The following CADM2 variants were observed in gnomAD, a reference collection of about 807,000 sequenced individuals.
The protein encoded by CADM2 is immunoglobulin superfamily member 4D.
Under a neutral mutation model 49.8 loss-of-function variants are expected in CADM2, and 12 were observed. The ratio of observed to expected loss-of-function variants is 0.24; its 90% CI spans 0.15 to 0.39. The LOEUF (loss-of-function observed/expected upper bound fraction) is 0.39, where lower values mean the gene tolerates loss of function less well. Ranked by LOEUF, CADM2 falls within the 10% of genes least tolerant of loss-of-function variation. The pLI is 1.00. For missense variants in CADM2, 378 were observed against 492.3 expected (o/e 0.77, Z 2.20); for synonymous variants, 214 against 175.4 (o/e 1.22, Z -1.74).
intron 1 of CADM2, among the ~76,000 whole-genome samples, chr3:85,468,593 G>C (rs951756060): frequency 5.4e-5 from 5 of 93,380 alleles, no homozygotes; most frequent in African/African-American, 3.0e-5. Flanking sequence ...ATCTTTTTTT[G>C]ACCAGAATAT....
At chr3:85,527,286 C>G (rs1344724602) in intron 1 of CADM2, among the ~76,000 whole-genome samples, 5 of 151,218 alleles carry the variant, frequency 3.3e-5, no homozygotes, top group Non-Finnish European at 7.4e-5. Context: ...CTCAGGATGC[C>G]AAGGTGAGAG....
intron 2 of CADM2, among the ~76,000 whole-genome samples, chr3:85,795,923 A>G (rs2071593629): frequency 6.6e-6 from 1 of 152,208 alleles, no homozygotes; most frequent in Admixed American, 6.5e-5. Context: ...TGGTTCATTG[A>G]CTTTGTTTCA....
chr3:85,465,738 G>T (rs2038463844), intron 1 of CADM2, among the ~76,000 whole-genome samples: 1 of 152,032 alleles, frequency 6.6e-6, no homozygotes, highest in Non-Finnish European at 1.5e-5. Context: ...GCTTCTTATT[G>T]CCAATCATGA....
At chr3:85,035,023 G>A (rs1375514824) in intron 1 of CADM2, among the ~76,000 whole-genome samples, 7 of 151,796 alleles carry the variant, frequency 4.6e-5, no homozygotes, top group African/African-American at 1.7e-4. Flanking sequence ...GGCTGGTCTC[G>A]AAGTCCTGAT....
At position 86,073,131 on chromosome 3, in the gene CADM2, T is replaced by C. The variant is rs917897200; in HGVS notation, c.*6348T>C. 1.3e-5 allele frequency: 2 copies of C among 152,078 alleles called. No individual in the cohort carries two copies. The highest frequency in any genetic ancestry group is 2.4e-5 in the African/African-American group (1 of 41,444). 9.4% of individuals were successfully genotyped at this position (152,078 alleles called of 1,614,324 possible). A position where few individuals can be genotyped will look rare whatever the true frequency, so the allele number is the denominator to read the frequency against. Reference sequence around the variant, plus strand: ...CCTCAAGAAAGCTCCATTTTTATCATAAACATTTCAACATAACCAACATTA... The same window carrying C: ...CCTCAAGAAAGCTCCATTTTTATCACAAACATTTCAACATAACCAACATTA... On this transcript the variant is annotated 3_prime_UTR_variant, in exon 10 of 10. Transcript: ENST00000383699.
intron 1 of CADM2, among the ~76,000 whole-genome samples, chr3:85,525,849 C>T (rs565490087): frequency 1.3e-5 from 2 of 152,076 alleles, no homozygotes; most frequent in South Asian, 4.2e-4. Flanking sequence ...TAGTTTACAT[C>T]TTTGATTTGT....
At chr3:85,154,671 G>A (rs1559692955) in intron 1 of CADM2, among the ~76,000 whole-genome samples, 1 of 150,386 alleles carries the variant, frequency 6.6e-6, no homozygotes, top group Non-Finnish European at 1.5e-5. Context: ...AGGAAAAAAT[G>A]TTAAGGGCAG....
chr3:85,693,027 AAACCATCCTAGCCAACATGGT>A (rs1042192058), intron 1 of CADM2, among the ~76,000 whole-genome samples: 13 of 151,866 alleles, frequency 8.6e-5, no homozygotes, highest in African/African-American at 1.9e-4. Context: ...CAAGAGATGG[AAACCATCCTAGCCAACATGGT>A]AACCATCCTA....
intron 3 of CADM2, among the ~76,000 whole-genome samples, chr3:85,825,073 T>C (rs72908560): frequency 0.043 from 6,580 of 152,080 alleles, 445 homozygotes; most frequent in African/African-American, 0.15. Flanking sequence ...AAAAGTAATT[T>C]ATATTGAAAA....
At chr3:85,501,646 CTT>C (rs2040120105) in intron 1 of CADM2, among the ~76,000 whole-genome samples, 1 of 152,004 alleles carries the variant, frequency 6.6e-6, no homozygotes. Flanking sequence ...ATAATTTATA[CTT>C]CAATATGTAT....
intron 1 of CADM2, among the ~76,000 whole-genome samples, chr3:85,518,364 A>C (rs1200599783): frequency 6.6e-6 from 1 of 151,940 alleles, no homozygotes; most frequent in Non-Finnish European, 1.5e-5. Flanking sequence ...CTCAGACTTC[A>C]ACAAAAGCAT....
chr3:85,374,667 G>A (rs1224029094), intron 1 of CADM2, among the ~76,000 whole-genome samples: 2 of 152,244 alleles, frequency 1.3e-5, no homozygotes, highest in East Asian at 3.9e-4. Flanking sequence ...GACTGGGGAG[G>A]CCTCACACTC....
At chr3:85,080,375 G>A (rs2037117849) in intron 1 of CADM2, among the ~76,000 whole-genome samples, 1 of 151,926 alleles carries the variant, frequency 6.6e-6, no homozygotes, top group South Asian at 2.1e-4. Flanking sequence ...CGATATGTCA[G>A]GAAGATTTAA....
At chr3:85,422,451 G>C (rs2036216837) in intron 1 of CADM2, among the ~76,000 whole-genome samples, 1 of 151,930 alleles carries the variant, frequency 6.6e-6, no homozygotes, top group Admixed American at 6.6e-5. Flanking sequence ...CTAATTTTTT[G>C]TATTTTTAGT....
chr3:85,942,006 T>G (rs1412783960), intron 7 of CADM2, among the ~76,000 whole-genome samples: 1 of 152,152 alleles, frequency 6.6e-6, no homozygotes, highest in Admixed American at 6.6e-5. Context: ...TTGTTCAAGT[T>G]ATATGATCTT....
chr3:85,621,084 A>G (rs1553751177), intron 1 of CADM2, among the ~76,000 whole-genome samples: 1 of 152,158 alleles, frequency 6.6e-6, no homozygotes, highest in Non-Finnish European at 1.5e-5. Flanking sequence ...ATCCCCTTAC[A>G]ATGGAAGTAT....
intron 1 of CADM2, among the ~76,000 whole-genome samples, chr3:85,132,843 C>A (rs1455257016): frequency 6.6e-6 from 1 of 152,090 alleles, no homozygotes; most frequent in East Asian, 1.9e-4. Flanking sequence ...AATACTGTGT[C>A]CGGAATTGGT....
At chr3:85,086,195 T>A (rs913107334) in intron 1 of CADM2, among the ~76,000 whole-genome samples, 2 of 152,148 alleles carry the variant, frequency 1.3e-5, no homozygotes, top group African/African-American at 4.8e-5. Flanking sequence ...TTCTCAAGAA[T>A]AGGCGTTCTA....
chr3:85,854,287 C>T (rs2075220461), intron 3 of CADM2, among the ~76,000 whole-genome samples: 1 of 151,894 alleles, frequency 6.6e-6, no homozygotes, highest in Admixed American at 6.6e-5. Flanking sequence ...GGGTATATAC[C>T]CAAAGGATTA....
Sources: allele counts gnomAD v4.1 joint callset (sites outside exome capture counted in the v4.1 genomes callset), GRCh38; gene constraint gnomAD v4.1.1; transcripts MANE v1.5; gene names NCBI Gene and HGNC (gene_info 2026-07-23, HGNC 2026-07-21).